LRP1B: variants seen among roughly 807,000 people sequenced by gnomAD.
The protein encoded by LRP1B is LDL receptor related protein 1B.
LRP1B carries 217 observed loss-of-function variants against 556.6 expected under a neutral mutation model. The observed-to-expected ratio is 0.39, with a 90% confidence interval of 0.35 to 0.44. The LOEUF (loss-of-function observed/expected upper bound fraction) is 0.44. LRP1B is among the 20% of genes least tolerant of loss of function. The pLI is 1.00. For missense variants in LRP1B, 5,053 were observed against 5,620.8 expected (o/e 0.90, Z 3.23); for synonymous variants, 2,047 against 1,865.8 (o/e 1.10, Z -2.50).
At chr2:140,916,056 T>G (rs1245014787) in intron 21 of LRP1B, among the ~76,000 whole-genome samples, 1 of 151,646 alleles carries the variant, frequency 6.6e-6, no homozygotes, top group Non-Finnish European at 1.5e-5. Flanking sequence ...AAAAAGTCAC[T>G]GGGAGGAATC....
intron 66 of LRP1B, among the ~76,000 whole-genome samples, chr2:140,416,149 T>C (rs535316753): frequency 5.9e-5 from 9 of 152,294 alleles, no homozygotes; most frequent in African/African-American, 1.9e-4. Flanking sequence ...ACCTGAACTC[T>C]GCCTCCTGTC....
intron 10 of LRP1B, among the ~76,000 whole-genome samples, chr2:141,051,574 A>C (rs1422754671): frequency 6.6e-6 from 1 of 152,052 alleles, no homozygotes; most frequent in African/African-American, 2.4e-5. Flanking sequence ...AACAAATCCC[A>C]GGTACCTAGC....
intron 3 of LRP1B, among the ~76,000 whole-genome samples, chr2:141,457,367 T>C (rs943296979): frequency 2.6e-5 from 4 of 152,020 alleles, no homozygotes; most frequent in African/African-American, 9.7e-5. Context: ...TTCTCACTTA[T>C]AAGTGGGAGC....
intron 23 of LRP1B, among the ~76,000 whole-genome samples, chr2:140,899,374 A>AATC (rs1335477893): frequency 6.6e-6 from 1 of 152,074 alleles, no homozygotes; most frequent in Admixed American, 6.6e-5. Flanking sequence ...TGGTCTTCAA[A>AATC]ATCATCATTA....
chr2:141,352,787 C>G (rs776257652), intron 3 of LRP1B, among the ~76,000 whole-genome samples: 2 of 151,870 alleles, frequency 1.3e-5, no homozygotes, highest in Non-Finnish European at 2.9e-5. Context: ...GCTAGTAAAT[C>G]ATGATCTATA....
At chr2:140,925,358 A>C (rs1003527207) in intron 20 of LRP1B, among the ~76,000 whole-genome samples, 1 of 152,176 alleles carries the variant, frequency 6.6e-6, no homozygotes, top group Non-Finnish European at 1.5e-5. Context: ...AGAAGAAAAG[A>C]GACAACTCAG....
At chr2:141,882,240 G>A (rs1698980663) in intron 1 of LRP1B, among the ~76,000 whole-genome samples, 1 of 152,114 alleles carries the variant, frequency 6.6e-6, no homozygotes, top group Admixed American at 6.6e-5. Context: ...GAGCAGGCAG[G>A]CAAGAACCTA....
At chr2:141,665,726 C>G (rs1690404009) in intron 2 of LRP1B, among the ~76,000 whole-genome samples, 1 of 152,120 alleles carries the variant, frequency 6.6e-6, no homozygotes, top group African/African-American at 2.4e-5. Flanking sequence ...TACATATATA[C>G]CATGGAATAC....
At chr2:140,529,947 TA>T (rs1334102438) in intron 47 of LRP1B, among the ~76,000 whole-genome samples, 4 of 151,560 alleles carry the variant, frequency 2.6e-5, no homozygotes, top group Non-Finnish European at 5.9e-5. Flanking sequence ...GGCAGTAAAT[TA>T]AAAAAAATGA....
At chr2:140,962,517 G>A (rs756556594) in intron 18 of LRP1B, among the ~76,000 whole-genome samples, 1 of 152,206 alleles carries the variant, frequency 6.6e-6, no homozygotes, top group Non-Finnish European at 1.5e-5. Context: ...AAACCCTATA[G>A]TGTTTAAGCT....
chr2:141,014,992 A>T (rs540465905), intron 13 of LRP1B, among the ~76,000 whole-genome samples: 22 of 152,230 alleles, frequency 1.4e-4, no homozygotes, highest in Admixed American at 1.4e-3. Context: ...AATGTAACTT[A>T]AAGGAAGCAT....
chr2:140,720,733 C>T (rs1424232396), intron 35 of LRP1B, among the ~76,000 whole-genome samples: 1 of 152,056 alleles, frequency 6.6e-6, no homozygotes, highest in Admixed American at 6.6e-5. Context: ...TGTGAAAACA[C>T]TCTACTCTAC....
At chr2:141,678,789 T>A (rs1468072805) in intron 2 of LRP1B, among the ~76,000 whole-genome samples, 1 of 152,138 alleles carries the variant, frequency 6.6e-6, no homozygotes, top group Non-Finnish European at 1.5e-5. Flanking sequence ...AATTAATAGT[T>A]AGAAAAATGT....
intron 2 of LRP1B, among the ~76,000 whole-genome samples, chr2:141,492,091 A>AAC (rs67960557): frequency 1.0e-5 from 1 of 100,194 alleles, no homozygotes; most frequent in Admixed American, 1.3e-4. Flanking sequence ...AAAAAAAAAA[A>AAC]CACTAAGAAA....
chr2:141,291,791 G>A (rs1013488225), intron 3 of LRP1B, among the ~76,000 whole-genome samples: 3 of 141,972 alleles, frequency 2.1e-5, no homozygotes, highest in Admixed American at 7.4e-5. Flanking sequence ...GGGAGGCGGA[G>A]CTTGCAGTGA....
chr2:141,943,189 T>C (rs10496908), intron 1 of LRP1B, among the ~76,000 whole-genome samples: 9,608 of 152,264 alleles, frequency 0.063, 361 homozygotes, highest in Middle Eastern at 0.12. Context: ...TTGTTTGTCT[T>C]GGAGGCAATC....
chr2:140,501,211 T>C (rs1023777765), intron 55 of LRP1B, among the ~76,000 whole-genome samples: 4 of 152,004 alleles, frequency 2.6e-5, no homozygotes, highest in African/African-American at 9.7e-5. Context: ...TAAGTCCTAA[T>C]AATTCATAGT....
chr2:141,648,076 C>T (rs954079416), intron 2 of LRP1B, among the ~76,000 whole-genome samples: 10 of 151,750 alleles, frequency 6.6e-5, no homozygotes, highest in South Asian at 2.1e-4. Context: ...TATGGTGAGA[C>T]GAATCATGTG....
At chr2:141,655,886 T>A (rs1249779044) in intron 2 of LRP1B, among the ~76,000 whole-genome samples, 1 of 152,120 alleles carries the variant, frequency 6.6e-6, no homozygotes, top group Admixed American at 6.6e-5. Context: ...ACTCTGAGGA[T>A]GAAACTGGGT....
Sources: allele counts gnomAD v4.1 joint callset (sites outside exome capture counted in the v4.1 genomes callset), GRCh38; gene constraint gnomAD v4.1.1; transcripts MANE v1.5; gene names NCBI Gene and HGNC (gene_info 2026-07-23, HGNC 2026-07-21).